VEZT: variants seen among roughly 807,000 people sequenced by gnomAD.
VEZT encodes vezatin, adherens junctions transmembrane protein.
In VEZT, 39 loss-of-function variants were observed where a neutral mutation model predicts 79.9. The observed-to-expected ratio is 0.49, with a 90% confidence interval of 0.38 to 0.64. VEZT has a LOEUF of 0.64. Among genes scored for constraint, VEZT ranks in the 30% least tolerant of loss-of-function variants. The probability of loss-of-function intolerance (pLI) is 0.00; values close to 1 mark genes in which losing one functional copy is unlikely to be tolerated. For synonymous variants in VEZT, 325 were observed against 327.6 expected (o/e 0.99, Z 0.09); for missense variants, 837 against 893.1 (o/e 0.94, Z 0.80).
Position 95,301,475 on chromosome 12 carries a change from G to A in VEZT, c.*802G>A, listed in dbSNP as rs2075205687. On this transcript the variant is annotated 3_prime_UTR_variant, in exon 12 of 12. Coordinates refer to ENST00000436874, the MANE Select transcript of VEZT (RefSeq NM_017599.4). ...AATTGGGTGCCATTAACACAAACAG[G>A]TCACAATCCTGCTGTTTTCTAGCCC... 1 of 152,038 alleles carries A rather than the reference G, an allele frequency of 6.6e-6. No individual in the cohort carries two copies. The highest frequency in any genetic ancestry group is 2.4e-5 in the African/African-American group (1 of 41,378). The allele number at this position is 152,038 out of a possible 1,614,324, so 9.4% of individuals were successfully genotyped here.
chr12:95,301,093 T>C lies in VEZT; in HGVS notation c.*420T>C, dbSNP rs1031094306. 1.3e-5 allele frequency: 2 copies of C among 153,158 alleles called. No individual in the cohort carries two copies. The highest frequency in any genetic ancestry group is 2.4e-5 in the African/African-American group (1 of 41,468). 9.5% of individuals were successfully genotyped at this position (153,158 alleles called of 1,614,324 possible). A position where few individuals can be genotyped will look rare whatever the true frequency, so the allele number is the denominator to read the frequency against. On this transcript the variant is annotated 3_prime_UTR_variant, in exon 12 of 12. Transcript: ENST00000436874. ...TTAATAACTGCAGCTATTATGTTAA[T>C]AACAAGTTGTTTGTATTTTATTTTT...
intron 2 of VEZT, chr12:95,252,380 G>C (rs1383696024): frequency 5.4e-6 from 1 of 184,700 alleles, no homozygotes; most frequent in Non-Finnish European, 1.1e-5. Flanking sequence ...CAACTAATAG[G>C]AATCCTCTAC....
intron 2 of VEZT, among the ~76,000 whole-genome samples, chr12:95,253,199 C>G (rs145051145): frequency 1.7e-4 from 26 of 152,266 alleles, no homozygotes; most frequent in African/African-American, 5.8e-4. Flanking sequence ...ATTCCTTGAG[C>G]ATTCTAGTTT....
chr12:95,245,131 G>A (rs1348048276), intron 1 of VEZT, among the ~76,000 whole-genome samples: 3 of 152,178 alleles, frequency 2.0e-5, no homozygotes, highest in Non-Finnish European at 2.9e-5. Context: ...CTACTTGGGA[G>A]GCTGAAGCAG....
intron 7 of VEZT, among the ~76,000 whole-genome samples, chr12:95,281,360 T>A (rs779151564): frequency 1.3e-5 from 2 of 152,142 alleles, no homozygotes; most frequent in African/African-American, 4.8e-5. Flanking sequence ...TGCCTGTGTT[T>A]CCCGCTACTC....
chr12:95,282,697 C>T (rs1594000993), intron 8 of VEZT, 53 bp downstream of exon 8: 2 of 1,460,330 alleles, frequency 1.4e-6, no homozygotes, highest in East Asian at 2.3e-5. Flanking sequence ...AAGCTTCATT[C>T]GTGTACCATT....
chr12:95,300,383 C>G lies in VEZT; in HGVS notation c.2050C>G (p.Gln684Glu), dbSNP rs1594315806. 6.2e-7 allele frequency: 1 copy of G among 1,613,766 alleles called. No homozygotes were observed. Among genetic ancestry groups the G allele is most frequent in the East Asian group, 2.2e-5 (1 of 44,888 alleles). The change falls in exon 12 of 12, where the codon CAA (glutamine) becomes GAA (glutamate). Residue 684 changes from glutamine (Q) to glutamate (E), a missense_variant. Transcript: ENST00000436874. ...TAATTCTTCAAATGAAGTCTTCCCC[C>G]AAGGAGCAGAAGAAAGAATGTGTTA... is the stretch of plus-strand genomic sequence containing the variant. ...KDNSSNEVFP[Q>E]GAEERMCYQC...
intron 4 of VEZT, among the ~76,000 whole-genome samples, chr12:95,264,973 C>T (rs983237512): frequency 3.3e-5 from 5 of 150,384 alleles, no homozygotes; most frequent in Non-Finnish European, 5.9e-5. Flanking sequence ...GTGATCCCTC[C>T]GCCTCAGCCT....
At chr12:95,295,181 G>C (rs543523661) in intron 10 of VEZT, among the ~76,000 whole-genome samples, 26 of 152,240 alleles carry the variant, frequency 1.7e-4, no homozygotes, top group Non-Finnish European at 1.8e-4. Flanking sequence ...TTTTATATGA[G>C]ACCGAGTCTC....
At chr12:95,233,876 G>C (rs1326173199) in intron 1 of VEZT, among the ~76,000 whole-genome samples, 2 of 152,024 alleles carry the variant, frequency 1.3e-5, no homozygotes, top group African/African-American at 4.8e-5. Flanking sequence ...CGATATTCTT[G>C]TATGTATATT....
rs375706798 is a variant in VEZT at position 95,239,020 on chromosome 12, T to C, written c.37-12920T>C. 2.0e-5 allele frequency among the ~76,000 whole-genome samples: 3 copies of C among 152,220 alleles called. No homozygotes were observed. The South Asian group carries it at 6.2e-4, about 31-fold the overall frequency. ...AGTGCAGAGAAAAGTATATAGTATA[T>C]TTCCATTTGTATAGAAATTTTGAAG... On this transcript the variant is annotated intron_variant, in intron 1 of 11. Coordinates refer to ENST00000436874, the MANE Select transcript of VEZT (RefSeq NM_017599.4).
At chr12:95,260,886 G>A (rs1238568816) in intron 3 of VEZT, among the ~76,000 whole-genome samples, 1 of 151,800 alleles carries the variant, frequency 6.6e-6, no homozygotes, top group African/African-American at 2.4e-5. Flanking sequence ...GGGGTGGGAT[G>A]TCAAATTAAG....
intron 1 of VEZT, among the ~76,000 whole-genome samples, chr12:95,250,464 G>A (rs367961459): frequency 4.0e-5 from 6 of 151,248 alleles, no homozygotes; most frequent in Non-Finnish European, 7.4e-5. Flanking sequence ...CATCATGCCC[G>A]GCTGATTTTT....
intron 7 of VEZT, among the ~76,000 whole-genome samples, chr12:95,280,072 C>T (rs2068660982): frequency 2.0e-5 from 3 of 152,188 alleles, no homozygotes; most frequent in Admixed American, 6.5e-5. Flanking sequence ...CACTAACCAC[C>T]GTGGTCTCAT....
Position 95,232,874 on chromosome 12 carries a change from C to T in VEZT, c.36+14988C>T, listed in dbSNP as rs141685910. The stretch of plus-strand genomic sequence containing the variant: ...AGGCTGGAGTGCAGTGACGCAATCT[C>T]GGCTCACTGCATCCTCTACTTCCCA... On this transcript the variant is annotated intron_variant, in intron 1 of 11. Coordinates refer to ENST00000436874, the MANE Select transcript of VEZT (RefSeq NM_017599.4). 5.3e-3 allele frequency among the ~76,000 whole-genome samples: 800 copies of T among 152,074 alleles called. 1 individual carries two copies. The highest frequency in any genetic ancestry group is 0.014 in the Middle Eastern group (4 of 294).
chr12:95,265,003 G>A (rs1439860253), intron 4 of VEZT, among the ~76,000 whole-genome samples: 1 of 151,490 alleles, frequency 6.6e-6, no homozygotes. Context: ...AGGGACTACG[G>A]ATGCATGCAA....
At position 95,301,641 on chromosome 12, in the gene VEZT, T is replaced by C. The variant is rs2075222274; in HGVS notation, c.*968T>C. 1 of 152,220 alleles carries C rather than the reference T, an allele frequency of 6.6e-6. No homozygotes were observed. The highest frequency in any genetic ancestry group is 2.4e-5 in the African/African-American group (1 of 41,460). The allele number at this position is 152,220 out of a possible 1,614,324, so 9.4% of individuals were successfully genotyped here. A position where few individuals can be genotyped will look rare whatever the true frequency, so the allele number is the denominator to read the frequency against. On this transcript the variant is annotated 3_prime_UTR_variant, in exon 12 of 12. Transcript: ENST00000436874. ...CAATCTTACCTGTTTTGTGTTGTGA[T>C]TGCATTTTCAAAGAGTAATTATTTT...
chr12:95,281,491 T>C (rs1003852693), intron 7 of VEZT, among the ~76,000 whole-genome samples: 1 of 151,814 alleles, frequency 6.6e-6, no homozygotes, highest in Non-Finnish European at 1.5e-5. Context: ...AATTAATTAA[T>C]TAATTAATTA....
intron 1 of VEZT, among the ~76,000 whole-genome samples, chr12:95,234,446 C>CCCCCAGCTAA (rs2059719453): frequency 6.6e-6 from 1 of 151,900 alleles, no homozygotes; most frequent in Non-Finnish European, 1.5e-5. Context: ...TGCGCCACCA[C>CCCCCAGCTAA]CCCCGGCTAA....
Sources: allele counts gnomAD v4.1 joint callset (sites outside exome capture counted in the v4.1 genomes callset), GRCh38; gene constraint gnomAD v4.1.1; transcripts MANE v1.5; gene names NCBI Gene and HGNC (gene_info 2026-07-23, HGNC 2026-07-21).